RERE: variants seen among roughly 807,000 people sequenced by gnomAD.
The protein encoded by RERE is arginine-glutamic acid dipeptide repeats protein.
In RERE, 40 loss-of-function variants were observed where a neutral mutation model predicts 146.1. The observed-to-expected ratio is 0.27, with a 90% confidence interval of 0.21 to 0.36. The LOEUF is 0.36. RERE is among the 10% of genes least tolerant of loss of function. RERE has a pLI of 1.00. For missense variants in RERE, 1,933 were observed against 2,138.7 expected, an observed-to-expected ratio of 0.90 and a Z score of 1.90; for synonymous variants, 1,003 against 866.0, an observed-to-expected ratio of 1.16 and a Z score of -2.78.
At chr1:8,433,002 C>T (rs1001790070) in intron 11 of RERE, among the ~76,000 whole-genome samples, 1 of 152,154 alleles carries the variant, frequency 6.6e-6, no homozygotes, top group African/African-American at 2.4e-5. Context: ...TACACATATA[C>T]ATATACATAT....
At chr1:8,722,029 T>C (rs1483463727) in intron 1 of RERE, among the ~76,000 whole-genome samples, 1 of 152,242 alleles carries the variant, frequency 6.6e-6, no homozygotes, top group African/African-American at 2.4e-5. Context: ...TTGTTCTTTG[T>C]TTCTGCTTTC....
At chr1:8,459,764 A>G (rs893818389) in intron 11 of RERE, among the ~76,000 whole-genome samples, 4 of 152,192 alleles carry the variant, frequency 2.6e-5, no homozygotes, top group African/African-American at 9.7e-5. Context: ...TGATTTTAGG[A>G]TGTTGTTCTA....
chr1:8,448,525 G>A (rs1430190588), intron 11 of RERE, among the ~76,000 whole-genome samples: 7 of 152,312 alleles, frequency 4.6e-5, no homozygotes, highest in Admixed American at 6.5e-5. Context: ...TTGGGAGGCC[G>A]AGGCGGGTGG....
At chr1:8,362,591 C>CGT (rs1487728523) in intron 16 of RERE, 92 bp downstream of exon 16, 11 of 1,500,202 alleles carry the variant, frequency 7.3e-6, no homozygotes, top group Admixed American at 5.3e-5. Flanking sequence ...GCTGCATCCT[C>CGT]GTGTCTGAGG....
intron 11 of RERE, among the ~76,000 whole-genome samples, chr1:8,433,685 C>T (rs1043926710): frequency 6.6e-5 from 10 of 151,668 alleles, no homozygotes; most frequent in Non-Finnish European, 1.0e-4. Context: ...CTCAGCCTCC[C>T]GAGTAGCTGG....
chr1:8,732,808 CTTTTTTTTTTT>C (rs59337140), intron 1 of RERE, among the ~76,000 whole-genome samples: 6 of 65,696 alleles, frequency 9.1e-5, no homozygotes, highest in Non-Finnish European at 1.1e-4. Flanking sequence ...TTCAATTTTT[CTTTTTTTTTTT>C]TTTTTTTTTT....
At chr1:8,786,386 A>G (rs1166929202) in intron 1 of RERE, 2 of 850,682 alleles carry the variant, frequency 2.4e-6, no homozygotes, top group Non-Finnish European at 4.0e-6. Context: ...TCCTCCATGC[A>G]GATGATGCCA....
At chr1:8,561,794 G>A (rs1646081911) in intron 4 of RERE, among the ~76,000 whole-genome samples, 1 of 152,204 alleles carries the variant, frequency 6.6e-6, no homozygotes, top group African/African-American at 2.4e-5. Context: ...AGCTACCTCA[G>A]ACACAAAAGT....
chr1:8,557,391 C>A (rs774294520), intron 5 of RERE, 27 bp downstream of exon 5: 59 of 1,406,198 alleles, frequency 4.2e-5, no homozygotes, highest in Non-Finnish European at 5.6e-5. Flanking sequence ...AAGAAACACA[C>A]AAATCAAACC....
At chr1:8,458,674 G>T (rs1034749978) in intron 11 of RERE, among the ~76,000 whole-genome samples, 1 of 151,880 alleles carries the variant, frequency 6.6e-6, no homozygotes, top group African/African-American at 2.4e-5. Context: ...TGGGGATGAT[G>T]GACTTAAAAA....
intron 1 of RERE, among the ~76,000 whole-genome samples, chr1:8,798,005 T>C (rs1641510049): frequency 6.6e-6 from 1 of 152,178 alleles, no homozygotes; most frequent in South Asian, 2.1e-4. Flanking sequence ...ATTCCTGTAA[T>C]CCCAACACTT....
chr1:8,713,881 G>C (rs1639715250), intron 1 of RERE, among the ~76,000 whole-genome samples: 1 of 151,868 alleles, frequency 6.6e-6, no homozygotes, highest in Admixed American at 6.6e-5. Flanking sequence ...GCTTACACAG[G>C]CAATCAAAAT....
chr1:8,437,356 T>C (rs1416534981), intron 11 of RERE, among the ~76,000 whole-genome samples: 1 of 150,900 alleles, frequency 6.6e-6, no homozygotes, highest in Non-Finnish European at 1.5e-5. Flanking sequence ...TAGTCCAGGG[T>C]GGGGGTGGAG....
chr1:8,480,423 C>G (rs1407044597), intron 10 of RERE, among the ~76,000 whole-genome samples: 3 of 148,570 alleles, frequency 2.0e-5, no homozygotes, highest in African/African-American at 7.5e-5. Context: ...CAGACCTGAG[C>G]CACCAGGCCC....
At chr1:8,558,468 T>A (rs1162531463) in intron 4 of RERE, among the ~76,000 whole-genome samples, 1 of 152,232 alleles carries the variant, frequency 6.6e-6, no homozygotes. Flanking sequence ...GTGAATGCAG[T>A]ATCATGCCTT....
intron 4 of RERE, among the ~76,000 whole-genome samples, chr1:8,601,671 C>CACACA (rs1468928033): frequency 1.5e-5 from 2 of 132,868 alleles, no homozygotes; most frequent in East Asian, 2.1e-4. Flanking sequence ...CACACACACA[C>CACACA]ATCTTCCTTC....
chr1:8,640,089 G>C (rs1647156593), intron 2 of RERE, among the ~76,000 whole-genome samples: 1 of 152,084 alleles, frequency 6.6e-6, no homozygotes, highest in Non-Finnish European at 1.5e-5. Flanking sequence ...GGGAGGTGGA[G>C]GGTACAGTGA....
At chr1:8,597,726 T>C (rs185870126) in intron 4 of RERE, among the ~76,000 whole-genome samples, 3 of 152,162 alleles carry the variant, frequency 2.0e-5, no homozygotes, top group East Asian at 1.9e-4. Context: ...ATCTGGACAA[T>C]AGTCAAGTCT....
intron 2 of RERE, among the ~76,000 whole-genome samples, chr1:8,626,070 A>G (rs1367178771): frequency 2.6e-5 from 4 of 152,230 alleles, no homozygotes; most frequent in African/African-American, 9.6e-5. Context: ...ACTGTGCTTC[A>G]GCATTCAGGC....
Sources: gnomAD v4.1 joint callset for allele counts (sites outside exome capture counted in the v4.1 genomes callset) on GRCh38, gnomAD v4.1.1 for gene constraint, MANE v1.5 for transcripts, NCBI Gene and HGNC (gene_info 2026-07-23, HGNC 2026-07-21) for gene names.